SYNDIG1: variants seen among roughly 807,000 people sequenced by gnomAD.
SYNDIG1 encodes synapse differentiation-inducing gene protein 1.
In SYNDIG1, 9 loss-of-function variants were observed where a neutral mutation model predicts 19.4. The observed-to-expected ratio is 0.46, with a 90% CI of 0.28 to 0.81. The LOEUF (loss-of-function observed/expected upper bound fraction) is 0.81, where lower values mean the gene tolerates loss of function less well. SYNDIG1 is among the 30% of genes least tolerant of loss of function. The pLI is 0.12. For synonymous variants in SYNDIG1, 141 were observed against 145.9 expected (o/e 0.97, Z 0.24); for missense variants, 311 against 343.3 (o/e 0.91, Z 0.74).
intron 3 of SYNDIG1, among the ~76,000 whole-genome samples, chr20:24,600,605 C>CTTTTTT (rs71183379): frequency 6.1e-5 from 8 of 130,792 alleles, no homozygotes; most frequent in African/African-American, 1.8e-4. Context: ...ATCTTTCTTT[C>CTTTTTT]TTTTTTTTTT....
At chr20:24,510,715 T>A (rs1398474042) in intron 1 of SYNDIG1, among the ~76,000 whole-genome samples, 2 of 152,198 alleles carry the variant, frequency 1.3e-5, no homozygotes, top group African/African-American at 2.4e-5. Flanking sequence ...TTCACATCTT[T>A]TATTAGTTCT....
At position 24,560,323 on chromosome 20, in the gene SYNDIG1, A is replaced by T. The variant is rs1575872; in HGVS notation, c.480+16746A>T. Among the ~76,000 whole-genome samples, 292 of 151,672 alleles carry T rather than the reference A, an allele frequency of 1.9e-3. 2 individuals are homozygous for T. The highest frequency in any genetic ancestry group is 6.5e-3 in the African/African-American group (268 of 41,352). ...CTTTTCAAAATCCCATAGCAAATAC[A>T]TTGTTATGCTCAATATTCCTCCACA... On this transcript the variant is annotated intron_variant, in intron 2 of 3. Transcript: ENST00000376862.
intron 2 of SYNDIG1, among the ~76,000 whole-genome samples, chr20:24,578,012 T>C (rs2058257355): frequency 6.6e-6 from 1 of 152,088 alleles, no homozygotes; most frequent in Admixed American, 6.5e-5. Context: ...GTTGTTCATA[T>C]TGGCTTAGGC....
chr20:24,633,222 G>A (rs1223945427), intron 3 of SYNDIG1, among the ~76,000 whole-genome samples: 1 of 152,186 alleles, frequency 6.6e-6, no homozygotes, highest in African/African-American at 2.4e-5. Context: ...TGTCCTGGCC[G>A]CAATCATTCA....
chr20:24,661,404 G>GGAGGGAA (rs2059588920), intron 3 of SYNDIG1, among the ~76,000 whole-genome samples: 2 of 15,992 alleles, frequency 1.3e-4, no homozygotes, highest in Non-Finnish European at 2.6e-4. Flanking sequence ...GGAGGAGGTA[G>GGAGGGAA]GAAAGAAGGA....
intron 3 of SYNDIG1, 97 bp downstream of exon 3, chr20:24,585,090 C>A: frequency 1.4e-6 from 2 of 1,457,386 alleles, no homozygotes; most frequent in Non-Finnish European, 1.9e-6. Flanking sequence ...CAAGGAAGCC[C>A]AAACAGCTCC....
rs1274291733 is a variant in SYNDIG1, at chr20:24,471,128, A to T, written c.-79+1375A>T. ...AGGAGGTGGTGTGTGTGCTGCGTAG[A>T]CCTGCGCCTGTGGGGTGAGCAGCCT... On this transcript the variant is annotated intron_variant, in intron 1 of 3. Coordinates refer to ENST00000376862, the MANE Select transcript of SYNDIG1 (RefSeq NM_024893.3). Among the ~76,000 whole-genome samples the T allele has an allele frequency of 2.6e-5, 4 of 151,956 alleles. No homozygotes were observed. The East Asian group carries it at 7.8e-4, about 30-fold the overall frequency.
intron 1 of SYNDIG1, among the ~76,000 whole-genome samples, chr20:24,506,235 C>T (rs2056588562): frequency 6.6e-6 from 1 of 152,234 alleles, no homozygotes; most frequent in African/African-American, 2.4e-5. Flanking sequence ...TCCAGCCATC[C>T]ATATCCTTAG....
chr20:24,512,674 T>C (rs2056775608), intron 1 of SYNDIG1, among the ~76,000 whole-genome samples: 1 of 152,176 alleles, frequency 6.6e-6, no homozygotes. Flanking sequence ...GAGGCCTACC[T>C]GCCTCTGTAG....
At chr20:24,634,787 T>C (rs1375763454) in intron 3 of SYNDIG1, among the ~76,000 whole-genome samples, 4 of 152,228 alleles carry the variant, frequency 2.6e-5, no homozygotes, top group African/African-American at 9.6e-5. Context: ...AAACATGTCC[T>C]CCTGCCAGAC....
chr20:24,478,960 C>T (rs115635427), intron 1 of SYNDIG1, among the ~76,000 whole-genome samples: 2 of 152,356 alleles, frequency 1.3e-5, no homozygotes, highest in African/African-American at 2.4e-5. Context: ...GTTCTTGTCT[C>T]GCTCTCAGCA....
intron 3 of SYNDIG1, among the ~76,000 whole-genome samples, chr20:24,642,305 G>C (rs1017049949): frequency 6.6e-6 from 1 of 152,110 alleles, no homozygotes; most frequent in African/African-American, 2.4e-5. Context: ...CACATCAGGG[G>C]CACCTGCTAT....
At chr20:24,562,996 T>A (rs926036425) in intron 2 of SYNDIG1, among the ~76,000 whole-genome samples, 9 of 152,214 alleles carry the variant, frequency 5.9e-5, no homozygotes, top group Non-Finnish European at 1.2e-4. Flanking sequence ...CCACACTCAG[T>A]TTTGAACAAA....
chr20:24,578,374 C>G (rs987568621), intron 2 of SYNDIG1, among the ~76,000 whole-genome samples: 1 of 148,948 alleles, frequency 6.7e-6, no homozygotes, highest in Non-Finnish European at 1.5e-5. Flanking sequence ...ACCCGGGAGG[C>G]GGAGGTTGCA....
At chr20:24,500,522 C>CT (rs1412027848) in intron 1 of SYNDIG1, among the ~76,000 whole-genome samples, 3 of 131,166 alleles carry the variant, frequency 2.3e-5, no homozygotes, top group African/African-American at 8.4e-5. Context: ...TTCTTTCTTT[C>CT]TTTCTTTCTT....
At chr20:24,638,234 A>G (rs1030817679) in intron 3 of SYNDIG1, among the ~76,000 whole-genome samples, 1 of 152,260 alleles carries the variant, frequency 6.6e-6, no homozygotes, top group Non-Finnish European at 1.5e-5. Flanking sequence ...AAAAACCAAG[A>G]TGGATGCTGC....
intron 3 of SYNDIG1, among the ~76,000 whole-genome samples, chr20:24,611,978 C>G (rs557227829): frequency 6.7e-4 from 102 of 152,306 alleles, no homozygotes; most frequent in Non-Finnish European, 1.2e-3. Flanking sequence ...CCTGACATAT[C>G]CAGTTCCATT....
chr20:24,645,792 C>T (rs111341310), intron 3 of SYNDIG1, among the ~76,000 whole-genome samples: 3 of 152,314 alleles, frequency 2.0e-5, no homozygotes, highest in African/African-American at 7.2e-5. Context: ...TGAAAATGCT[C>T]AGCAAATCAT....
At chr20:24,516,613 A>G (rs1362349804) in intron 1 of SYNDIG1, among the ~76,000 whole-genome samples, 2 of 152,212 alleles carry the variant, frequency 1.3e-5, no homozygotes, top group Non-Finnish European at 2.9e-5. Flanking sequence ...CAAAACCACA[A>G]TGAGATACCA....
Sources: allele counts gnomAD v4.1 joint callset (sites outside exome capture counted in the v4.1 genomes callset), GRCh38; gene constraint gnomAD v4.1.1; transcripts MANE v1.5; gene names NCBI Gene and HGNC (gene_info 2026-07-23, HGNC 2026-07-21).